Variants in WWOX observed in about 807,000 individuals in gnomAD.
WWOX encodes the protein WW domain-containing oxidoreductase.
In WWOX, 69 loss-of-function variants were observed where a neutral mutation model predicts 46.2. That is an observed-to-expected ratio of 1.49 (90% CI 1.23 to 1.82). The LOEUF (loss-of-function observed/expected upper bound fraction) is 1.82, where lower values mean the gene tolerates loss of function less well. Ranked by LOEUF, WWOX falls within the 40% of genes most tolerant of loss-of-function variation. WWOX has a pLI of 0.00. For missense variants in WWOX, 919 were observed against 542.6 expected (o/e 1.69, Z -6.89); for synonymous variants, 359 against 202.6 (o/e 1.77, Z -6.56).
chr16:78,165,966 G>C (rs2034957642), intron 5 of WWOX, among the ~76,000 whole-genome samples: 1 of 100,300 alleles, frequency 1.0e-5, no homozygotes, highest in Non-Finnish European at 2.4e-5. Context: ...AGGTGGGATA[G>C]TAGCAATTTT....
At chr16:78,281,240 C>G (rs112441686) in intron 5 of WWOX, among the ~76,000 whole-genome samples, 1 of 152,196 alleles carries the variant, frequency 6.6e-6, no homozygotes, top group African/African-American at 2.4e-5. Flanking sequence ...GTGAAGACAG[C>G]GCCAAGCCAT....
chr16:79,092,809 C>T (rs1386265995), intron 8 of WWOX, among the ~76,000 whole-genome samples: 3 of 151,944 alleles, frequency 2.0e-5, no homozygotes, highest in Admixed American at 6.6e-5. Context: ...CTTCATAAAC[C>T]CTAGGCCATC....
intron 8 of WWOX, among the ~76,000 whole-genome samples, chr16:78,856,931 A>G (rs937658803): frequency 6.6e-5 from 10 of 152,354 alleles, no homozygotes; most frequent in African/African-American, 2.4e-4. Flanking sequence ...GGCTAGGTAG[A>G]GCATATTGCT....
intron 8 of WWOX, among the ~76,000 whole-genome samples, chr16:79,060,064 G>A (rs12103000): frequency 0.093 from 14,105 of 152,106 alleles, 1,410 homozygotes; most frequent in African/African-American, 0.26. Flanking sequence ...GCTCAAACTG[G>A]TTATATTTCT....
chr16:78,331,803 A>G (rs137985828), intron 5 of WWOX, among the ~76,000 whole-genome samples: 59 of 151,580 alleles, frequency 3.9e-4, no homozygotes, highest in Middle Eastern at 3.4e-3. Flanking sequence ...TTTGTGGCAT[A>G]TGCATTGGCA....
chr16:78,836,876 G>A (rs939657109), intron 8 of WWOX, among the ~76,000 whole-genome samples: 4 of 152,172 alleles, frequency 2.6e-5, no homozygotes, highest in African/African-American at 9.7e-5. Flanking sequence ...CCAAGCAGTA[G>A]ATGGGCTTTT....
At chr16:78,545,850 G>T (rs901291638) in intron 8 of WWOX, among the ~76,000 whole-genome samples, 1 of 152,050 alleles carries the variant, frequency 6.6e-6, no homozygotes, top group African/African-American at 2.4e-5. Flanking sequence ...TCTGTTTCTT[G>T]GTGCACATCC....
At chr16:78,451,516 G>C (rs1010545679) in intron 8 of WWOX, among the ~76,000 whole-genome samples, 5 of 152,134 alleles carry the variant, frequency 3.3e-5, no homozygotes, top group African/African-American at 1.2e-4. Flanking sequence ...GAAGAAACCA[G>C]CCTGGAATGA....
At chr16:78,816,635 C>G (rs2051338155) in intron 8 of WWOX, among the ~76,000 whole-genome samples, 1 of 147,146 alleles carries the variant, frequency 6.8e-6, no homozygotes, top group African/African-American at 2.5e-5. Context: ...ACAGATGTAG[C>G]TGTGTCACAT....
intron 5 of WWOX, among the ~76,000 whole-genome samples, chr16:78,245,384 T>C (rs1371619426): frequency 1.3e-5 from 2 of 152,218 alleles, no homozygotes; most frequent in African/African-American, 4.8e-5. Flanking sequence ...TAAAATTATT[T>C]CTATGGGATT....
intron 5 of WWOX, among the ~76,000 whole-genome samples, chr16:78,336,683 C>T (rs1047715769): frequency 1.3e-5 from 2 of 151,986 alleles, no homozygotes; most frequent in East Asian, 1.9e-4. Flanking sequence ...GGAACATAGA[C>T]CCAGAGCTGC....
At chr16:78,701,725 G>A (rs1028576278) in intron 8 of WWOX, among the ~76,000 whole-genome samples, 1 of 152,040 alleles carries the variant, frequency 6.6e-6, no homozygotes, top group African/African-American at 2.4e-5. Context: ...AAGCTGGGAA[G>A]CTGCAGTAGG....
chr16:78,581,805 C>G (rs180753077), intron 8 of WWOX, among the ~76,000 whole-genome samples: 12 of 152,158 alleles, frequency 7.9e-5, no homozygotes, highest in Non-Finnish European at 1.6e-4. Context: ...TTTCCCCATA[C>G]CAACTAGTAG....
At chr16:78,691,334 TCAA>T in intron 8 of WWOX, 2 of 699,792 alleles carry the variant, frequency 2.9e-6, no homozygotes, top group Non-Finnish European at 5.2e-6. Context: ...TATTTCATTT[TCAA>T]CATAGCTTTA....
In WWOX at chr16:78,663,543, C is replaced by G. The variant is rs530423709; in HGVS notation, c.1056+230791C>G. ...CGTTGCCACAGGTTGCTTCTGATTT[C>G]TATTATGAGTAATGCTGCTATGAAC... On this transcript the variant is annotated intron_variant, in intron 8 of 8. Coordinates refer to ENST00000566780, the MANE Select transcript of WWOX (RefSeq NM_016373.4). Among the ~76,000 whole-genome samples, 54 of 152,246 alleles carry G rather than the reference C, an allele frequency of 3.5e-4. 2 individuals carry two copies. In the East Asian group the frequency reaches 0.01, roughly 29 times the overall value.
chr16:79,052,345 C>T (rs9806790), intron 8 of WWOX, among the ~76,000 whole-genome samples: 1 of 152,004 alleles, frequency 6.6e-6, no homozygotes, highest in African/African-American at 2.4e-5. Context: ...CAATTTCATC[C>T]ATGTCCCTAC....
chr16:78,867,286 A>G (rs879434399), intron 8 of WWOX, among the ~76,000 whole-genome samples: 2 of 152,132 alleles, frequency 1.3e-5, no homozygotes, highest in Non-Finnish European at 2.9e-5. Flanking sequence ...AGAAAAGAAT[A>G]CCAACGCCGT....
chr16:78,630,342 C>G (rs1226715603), intron 8 of WWOX, among the ~76,000 whole-genome samples: 3 of 152,080 alleles, frequency 2.0e-5, no homozygotes, highest in Admixed American at 2.0e-4. Context: ...TCACCATTCC[C>G]AGATCAGATA....
At chr16:78,466,405 G>C (rs1597124855) in intron 8 of WWOX, among the ~76,000 whole-genome samples, 1 of 152,154 alleles carries the variant, frequency 6.6e-6, no homozygotes, top group Non-Finnish European at 1.5e-5. Flanking sequence ...CACTGTCAAT[G>C]TACTAAATGA....
Sources: gnomAD v4.1 joint callset for allele counts (sites outside exome capture counted in the v4.1 genomes callset) on GRCh38, gnomAD v4.1.1 for gene constraint, MANE v1.5 for transcripts, NCBI Gene and HGNC (gene_info 2026-07-23, HGNC 2026-07-21) for gene names.